RBKS: variants seen among roughly 807,000 people sequenced by gnomAD.
The protein encoded by RBKS is ribokinase.
A neutral mutation model predicts 33.9 loss-of-function variants in RBKS; 33 were observed. That is an observed-to-expected ratio of 0.97 (90% confidence interval 0.74 to 1.30). The LOEUF (loss-of-function observed/expected upper bound fraction) is 1.30, where lower values mean the gene tolerates loss of function less well. RBKS is among the 50% of genes most tolerant of loss of function. The pLI is 0.00. For synonymous variants in RBKS, 125 were observed against 143.0 expected (o/e 0.87, Z 0.90); for missense variants, 361 against 392.6 (o/e 0.92, Z 0.68).
intron 7 of RBKS, among the ~76,000 whole-genome samples, chr2:27,815,802 A>T (rs1240598239): frequency 6.6e-6 from 1 of 152,200 alleles, no homozygotes; most frequent in Non-Finnish European, 1.5e-5. Flanking sequence ...ATGCCCTCTC[A>T]CTGGGCAGAG....
intron 7 of RBKS, among the ~76,000 whole-genome samples, chr2:27,789,951 A>ATATATATATATATATATATGTATATGTG (rs1558533092): frequency 3.1e-4 from 35 of 111,380 alleles, no homozygotes; most frequent in African/African-American, 1.1e-3. Context: ...GTATATGTGT[A>ATATATATATATATATATATGTATATGTG]TATATATATA....
chr2:27,871,114 T>C (rs971351171), intron 1 of RBKS, among the ~76,000 whole-genome samples: 1 of 152,208 alleles, frequency 6.6e-6, no homozygotes, highest in African/African-American at 2.4e-5. Flanking sequence ...CAAATGTCCT[T>C]AGCAGCAGGC....
intron 4 of RBKS, among the ~76,000 whole-genome samples, chr2:27,843,747 A>G (rs1472734755): frequency 6.6e-6 from 1 of 152,210 alleles, no homozygotes; most frequent in African/African-American, 2.4e-5. Flanking sequence ...TCAGATATAG[A>G]GGAGAGAGGG....
rs1677285031 is a variant in RBKS at position 27,781,617 on chromosome 2, A to C, written c.967T>G (p.Ter323GlyextTer7). The change falls in exon 8 of 8, where the codon TGA becomes GGA. Residue 323 changes from the stop codon to glycine (G), a stop_lost. Transcript: ENST00000302188. ...YKKDLPLTLF[*>G] is the part of the protein sequence containing the mutation. ...ATTTATTTTGGGACTAATAGCAATC[A>C]AAACAGAGTAAGCGGAAGGTCTTTT... 1.9e-6 allele frequency: 3 copies of C among 1,607,646 alleles called. No individual in the cohort carries two copies. In the African/African-American group the frequency reaches 4.0e-5, roughly 22 times the overall value.
At chr2:27,849,455 T>C (rs1431436638) in intron 2 of RBKS, among the ~76,000 whole-genome samples, 1 of 145,702 alleles carries the variant, frequency 6.9e-6, no homozygotes, top group Non-Finnish European at 1.5e-5. Flanking sequence ...CCCAGTTACT[T>C]GAGAGGCTGA....
chr2:27,873,850 C>G (rs1229601906), intron 1 of RBKS, among the ~76,000 whole-genome samples: 1 of 151,868 alleles, frequency 6.6e-6, no homozygotes, highest in African/African-American at 2.4e-5. Context: ...AACAAAACAC[C>G]CTGAAACAAA....
chr2:27,878,189 A>G (rs1454908191), intron 1 of RBKS, among the ~76,000 whole-genome samples: 3 of 106,670 alleles, frequency 2.8e-5, no homozygotes, highest in Non-Finnish European at 5.7e-5. Flanking sequence ...CCCTGCCCCC[A>G]CCCCACAACA....
chr2:27,858,636 G>T (rs150184458), intron 1 of RBKS, 65 bp from the exon 2 acceptor site: 3 of 1,422,470 alleles, frequency 2.1e-6, no homozygotes, highest in African/African-American at 1.4e-5. Context: ...AAGTTCTTTA[G>T]AAGAGAGGGA....
intron 7 of RBKS, among the ~76,000 whole-genome samples, chr2:27,825,990 A>C (rs1183550938): frequency 6.6e-6 from 1 of 152,196 alleles, no homozygotes; most frequent in Non-Finnish European, 1.5e-5. Flanking sequence ...TGGCGGATTG[A>C]TTTCAGAACT....
At chr2:27,884,773 T>C (rs1428003107) in intron 1 of RBKS, among the ~76,000 whole-genome samples, 1 of 152,216 alleles carries the variant, frequency 6.6e-6, no homozygotes, top group Non-Finnish European at 1.5e-5. Context: ...GAGTTTTAGT[T>C]GACATCAGAG....
At chr2:27,822,834 G>A (rs879476126) in intron 7 of RBKS, among the ~76,000 whole-genome samples, 10 of 152,188 alleles carry the variant, frequency 6.6e-5, no homozygotes, top group Non-Finnish European at 1.2e-4. Context: ...ATACCCATGC[G>A]TTATTACAGA....
chr2:27,839,415 G>A (rs1303535020), intron 5 of RBKS, among the ~76,000 whole-genome samples: 1 of 152,130 alleles, frequency 6.6e-6, no homozygotes, highest in East Asian at 1.9e-4. Context: ...GCTCTTCAGT[G>A]GGCCTACCTC....
chr2:27,862,383 T>C (rs1198011698), intron 1 of RBKS, among the ~76,000 whole-genome samples: 6 of 152,370 alleles, frequency 3.9e-5, no homozygotes, highest in African/African-American at 4.8e-5. Flanking sequence ...TGTTATTTTA[T>C]ATTCTTATGC....
intron 1 of RBKS, among the ~76,000 whole-genome samples, chr2:27,882,329 C>A (rs1207593588): frequency 6.6e-6 from 1 of 152,126 alleles, no homozygotes; most frequent in African/African-American, 2.4e-5. Flanking sequence ...TCAAAAAAAG[C>A]TCAACATCAC....
intron 7 of RBKS, among the ~76,000 whole-genome samples, chr2:27,789,949 G>GTATATATATATATATGTATATATGTA (rs1677484645): frequency 8.2e-6 from 1 of 121,512 alleles, no homozygotes; most frequent in Non-Finnish European, 1.6e-5. Context: ...ATGTATATGT[G>GTATATATATATATATGTATATATGTA]TATATATATA....
intron 1 of RBKS, among the ~76,000 whole-genome samples, chr2:27,877,777 A>C (rs1664342383): frequency 6.6e-6 from 1 of 152,092 alleles, no homozygotes; most frequent in Admixed American, 6.6e-5. Context: ...TTAGCCCCTA[A>C]ATATTTCTTT....
chr2:27,857,687 T>A (rs994057358), intron 2 of RBKS, among the ~76,000 whole-genome samples: 1 of 152,204 alleles, frequency 6.6e-6, no homozygotes, highest in Non-Finnish European at 1.5e-5. Context: ...AGAAACCCAT[T>A]GGAGTACGCT....
At chr2:27,839,055 G>C (rs900095738) in intron 5 of RBKS, among the ~76,000 whole-genome samples, 4 of 152,118 alleles carry the variant, frequency 2.6e-5, no homozygotes, top group African/African-American at 9.7e-5. Context: ...AAATCACCCT[G>C]AGTGAAGACA....
rs571160594 is a variant in RBKS at position 27,840,180 on chromosome 2, C to T, written c.514+2887G>A. On this transcript the variant is annotated intron_variant, in intron 5 of 7. Transcript: ENST00000302188. ...GACTACAGGCACCCACCACCATGCC[C>T]GGCTAATTTTTTTGTATTTTGAGTA... Among the ~76,000 whole-genome samples, 6 of 151,694 alleles carry T rather than the reference C, an allele frequency of 4.0e-5. No homozygotes were observed. In the South Asian group the frequency reaches 6.3e-4, roughly 16 times the overall value.
Sources: allele counts gnomAD v4.1 joint callset (sites outside exome capture counted in the v4.1 genomes callset), GRCh38; gene constraint gnomAD v4.1.1; transcripts MANE v1.5; gene names NCBI Gene and HGNC (gene_info 2026-07-23, HGNC 2026-07-21).